VAV3: variants seen among roughly 807,000 people sequenced by gnomAD.
VAV3 encodes the protein vav guanine nucleotide exchange factor 3.
Under a neutral mutation model 131.2 loss-of-function variants are expected in VAV3, and 94 were observed. That is an observed-to-expected ratio of 0.72 (90% CI 0.61 to 0.85). The LOEUF is 0.85. VAV3 is among the 40% of genes least tolerant of loss of function. The pLI is 0.00. For synonymous variants in VAV3, 349 were observed against 342.0 expected, an observed-to-expected ratio of 1.02 and a Z score of -0.22; for missense variants, 939 against 1,002.7, an observed-to-expected ratio of 0.94 and a Z score of 0.86.
chr1:107,874,261 ACTT>A (rs1670385865), intron 2 of VAV3, among the ~76,000 whole-genome samples: 1 of 152,180 alleles, frequency 6.6e-6, no homozygotes, highest in Non-Finnish European at 1.5e-5. Flanking sequence ...GATTTGTTTC[ACTT>A]ATTATACATG....
At chr1:107,612,005 G>A (rs1652771041) in intron 21 of VAV3, among the ~76,000 whole-genome samples, 1 of 151,832 alleles carries the variant, frequency 6.6e-6, no homozygotes, top group African/African-American at 2.4e-5. Flanking sequence ...TGAGTATATG[G>A]TTACTATTTT....
At chr1:107,785,439 C>T (rs775077244) in intron 2 of VAV3, 17 of 1,330,850 alleles carry the variant, frequency 1.3e-5, no homozygotes, top group South Asian at 8.6e-5. Flanking sequence ...AAAGGAATTC[C>T]GAGGGAAAGG....
chr1:107,934,881 G>C (rs1340839440), intron 1 of VAV3, among the ~76,000 whole-genome samples: 4 of 152,224 alleles, frequency 2.6e-5, no homozygotes, highest in South Asian at 2.1e-4. Context: ...CAAATGAGAG[G>C]AGACGTGCTA....
intron 2 of VAV3, among the ~76,000 whole-genome samples, chr1:107,811,764 G>A (rs1396640652): frequency 1.3e-5 from 2 of 152,088 alleles, no homozygotes; most frequent in Non-Finnish European, 2.9e-5. Context: ...TGCAAAGCAA[G>A]AAGAAAAAGA....
chr1:107,576,300 G>A (rs1374752161), intron 25 of VAV3: 1 of 1,038,846 alleles, frequency 9.6e-7, no homozygotes, highest in East Asian at 2.8e-5. Flanking sequence ...GTGAGGAGAT[G>A]TATCCGTATG....
At chr1:107,799,734 A>C (rs921224745) in intron 2 of VAV3, among the ~76,000 whole-genome samples, 5 of 152,186 alleles carry the variant, frequency 3.3e-5, no homozygotes, top group African/African-American at 9.6e-5. Context: ...CTTGAAATGT[A>C]CATAGAGTCA....
chr1:107,600,818 G>A (rs962180614), intron 24 of VAV3, among the ~76,000 whole-genome samples: 2 of 152,152 alleles, frequency 1.3e-5, no homozygotes, highest in Admixed American at 1.3e-4. Context: ...AAATTCATTG[G>A]CCCTTTTCAG....
In VAV3 at chr1:107,642,558, C is replaced by T. The variant is rs539168851; in HGVS notation, c.1914+61G>A. On this transcript the variant is annotated intron_variant, in intron 20 of 26. Transcript: ENST00000370056. The stretch of plus-strand genomic sequence containing the variant: ...GACTCGCCCTGAATTCCTTCTTGGG[C>T]AAGATTTAAGAACCCTCTCTTGGGG... 27 of 1,579,068 alleles carry T rather than the reference C, an allele frequency of 1.7e-5. No individual in the cohort carries two copies. The East Asian group carries it at 5.9e-4, about 34-fold the overall frequency.
intron 21 of VAV3, among the ~76,000 whole-genome samples, chr1:107,614,622 C>G (rs1570615676): frequency 1.3e-5 from 2 of 152,100 alleles, no homozygotes; most frequent in South Asian, 4.1e-4. Flanking sequence ...ATTTCTCCTT[C>G]TAGCCACTTC....
At chr1:107,725,350 T>A (rs1455870718) in intron 15 of VAV3, among the ~76,000 whole-genome samples, 1 of 152,112 alleles carries the variant, frequency 6.6e-6, no homozygotes, top group South Asian at 2.1e-4. Flanking sequence ...ATCAAGAAGA[T>A]TGCTGATCCT....
intron 2 of VAV3, among the ~76,000 whole-genome samples, chr1:107,861,203 A>G (rs1197197591): frequency 6.6e-6 from 1 of 151,754 alleles, no homozygotes; most frequent in East Asian, 1.9e-4. Flanking sequence ...TTATCTTTCT[A>G]CACGTCTATG....
chr1:107,854,715 A>G (rs980378166), intron 2 of VAV3, among the ~76,000 whole-genome samples: 4 of 152,128 alleles, frequency 2.6e-5, no homozygotes, highest in African/African-American at 9.7e-5. Flanking sequence ...TGACCTTGAG[A>G]CTATCTTTCC....
At chr1:107,821,378 T>C (rs888936231) in intron 2 of VAV3, among the ~76,000 whole-genome samples, 1 of 152,172 alleles carries the variant, frequency 6.6e-6, no homozygotes, top group African/African-American at 2.4e-5. Context: ...TAGACAATAG[T>C]TCTGTGAAGA....
chr1:107,903,232 C>G (rs960297044), intron 1 of VAV3, among the ~76,000 whole-genome samples: 4 of 152,034 alleles, frequency 2.6e-5, no homozygotes, highest in Non-Finnish European at 5.9e-5. Context: ...AGAAGAAAAC[C>G]AGCACCTCCA....
intron 1 of VAV3, among the ~76,000 whole-genome samples, chr1:107,955,177 G>C (rs1674746317): frequency 1.3e-5 from 2 of 152,086 alleles, no homozygotes; most frequent in African/African-American, 4.8e-5. Flanking sequence ...TTAGAGATGA[G>C]GAAGCTAAAG....
intron 1 of VAV3, among the ~76,000 whole-genome samples, chr1:107,918,931 T>C (rs1315765571): frequency 1.3e-5 from 2 of 152,048 alleles, no homozygotes; most frequent in African/African-American, 2.4e-5. Flanking sequence ...GGTCTTGAAC[T>C]CCTGACCTCA....
At chr1:107,925,062 A>G (rs1276614074) in intron 1 of VAV3, among the ~76,000 whole-genome samples, 1 of 152,246 alleles carries the variant, frequency 6.6e-6, no homozygotes, top group Non-Finnish European at 1.5e-5. Flanking sequence ...ATATTGCTGC[A>G]TGGGACAATG....
chr1:107,963,022 TCTAACATAAGAGGAGAAGAGTGA>T (rs1231839731), intron 1 of VAV3, among the ~76,000 whole-genome samples: 1 of 152,164 alleles, frequency 6.6e-6, no homozygotes, highest in Non-Finnish European at 1.5e-5. Context: ...TTAAATTACA[TCTAACATAAGAGGAGAAGAGTGA>T]AACACATTCA....
At chr1:107,738,914 A>T (rs1026459864) in intron 15 of VAV3, among the ~76,000 whole-genome samples, 1 of 152,178 alleles carries the variant, frequency 6.6e-6, no homozygotes, top group Non-Finnish European at 1.5e-5. Flanking sequence ...CACAGTAACC[A>T]CCACTGTCAG....
Sources: gnomAD v4.1 joint callset for allele counts (sites outside exome capture counted in the v4.1 genomes callset) on GRCh38, gnomAD v4.1.1 for gene constraint, MANE v1.5 for transcripts, NCBI Gene and HGNC (gene_info 2026-07-23, HGNC 2026-07-21) for gene names.